CACNA2D3: variants seen among roughly 807,000 people sequenced by gnomAD.
The protein encoded by CACNA2D3 is voltage-dependent calcium channel subunit alpha-2/delta-3.
Under a neutral mutation model 160.6 loss-of-function variants are expected in CACNA2D3, and 60 were observed. That is an observed-to-expected ratio of 0.37 (90% CI 0.30 to 0.46). The LOEUF (loss-of-function observed/expected upper bound fraction) is 0.46, where lower values mean the gene tolerates loss of function less well. CACNA2D3 is among the 20% of genes least tolerant of loss of function. CACNA2D3 has a pLI of 1.00. For synonymous variants in CACNA2D3, 558 were observed against 492.9 expected, an observed-to-expected ratio of 1.13 and a Z score of -1.75; for missense variants, 1,205 against 1,365.0, an observed-to-expected ratio of 0.88 and a Z score of 1.85.
At chr3:54,692,723 A>G (rs561055737) in intron 11 of CACNA2D3, among the ~76,000 whole-genome samples, 19 of 152,332 alleles carry the variant, frequency 1.2e-4, no homozygotes, top group Admixed American at 1.2e-3. Flanking sequence ...ACCAAAAGGC[A>G]GGATGGGCTG....
rs374561284 is a variant in CACNA2D3 at position 54,770,403 on chromosome 3, G to A, written c.1380+6052G>A. Reference sequence around the variant, plus strand: ...CGATTCTGACGATTCAAACAATTTTGATGTTAGTTCTGTTTTAGAAATAAC... The same window carrying A: ...CGATTCTGACGATTCAAACAATTTTAATGTTAGTTCTGTTTTAGAAATAAC... On this transcript the variant is annotated intron_variant, in intron 13 of 37. Coordinates refer to ENST00000474759, the MANE Select transcript of CACNA2D3 (RefSeq NM_018398.3). 8.5e-5 allele frequency among the ~76,000 whole-genome samples: 13 copies of A among 152,296 alleles called. 1 individual carries two copies. The highest frequency in any genetic ancestry group is 1.9e-4 in the African/African-American group (8 of 41,574).
intron 11 of CACNA2D3, among the ~76,000 whole-genome samples, chr3:54,677,612 T>TC (rs1206956219): frequency 3.8e-5 from 5 of 130,116 alleles, no homozygotes; most frequent in African/African-American, 1.5e-4. Flanking sequence ...TAGTTTTTGT[T>TC]TTTTTTTTGG....
chr3:54,230,774 T>C (rs943202021), intron 2 of CACNA2D3, among the ~76,000 whole-genome samples: 2 of 152,238 alleles, frequency 1.3e-5, no homozygotes, highest in Non-Finnish European at 2.9e-5. Flanking sequence ...ATATTTTATA[T>C]AGGTAGATGT....
chr3:54,807,646 G>A (rs1007970412), intron 13 of CACNA2D3, among the ~76,000 whole-genome samples: 30 of 151,626 alleles, frequency 2.0e-4, no homozygotes, highest in Non-Finnish European at 3.2e-4. Context: ...AGTCAGTGTG[G>A]CGATTCCTCA....
At chr3:54,739,434 A>C (rs1014687807) in intron 11 of CACNA2D3, among the ~76,000 whole-genome samples, 12 of 148,890 alleles carry the variant, frequency 8.1e-5, no homozygotes, top group Admixed American at 5.4e-4. Context: ...TCAAAAAAAA[A>C]AAAAAAACAA....
At chr3:54,664,290 A>G (rs913598164) in intron 11 of CACNA2D3, among the ~76,000 whole-genome samples, 1 of 152,230 alleles carries the variant, frequency 6.6e-6, no homozygotes, top group Non-Finnish European at 1.5e-5. Context: ...GCCCTTGGAC[A>G]GTGGGTTTAC....
At chr3:54,687,523 G>C (rs954742988) in intron 11 of CACNA2D3, among the ~76,000 whole-genome samples, 1 of 151,944 alleles carries the variant, frequency 6.6e-6, no homozygotes, top group African/African-American at 2.4e-5. Context: ...AGATAGAAGG[G>C]GAAACAGGAA....
At chr3:54,348,941 T>C (rs1369027766) in intron 3 of CACNA2D3, among the ~76,000 whole-genome samples, 1 of 152,174 alleles carries the variant, frequency 6.6e-6, no homozygotes, top group Non-Finnish European at 1.5e-5. Flanking sequence ...TTGGCCAGGC[T>C]GGTCTTGAAC....
intron 4 of CACNA2D3, among the ~76,000 whole-genome samples, chr3:54,448,840 A>G (rs1700261199): frequency 6.6e-6 from 1 of 152,212 alleles, no homozygotes; most frequent in Non-Finnish European, 1.5e-5. Flanking sequence ...CTGCAAGGCA[A>G]ATTGCAGAAG....
At chr3:54,257,774 A>T (rs9810762) in intron 2 of CACNA2D3, among the ~76,000 whole-genome samples, 30,344 of 152,160 alleles carry the variant, frequency 0.2, 3,197 homozygotes, top group South Asian at 0.26. Flanking sequence ...CAATAGGCTA[A>T]TTCAGAAGGT....
At chr3:54,652,524 G>A (rs1699790625) in intron 11 of CACNA2D3, among the ~76,000 whole-genome samples, 1 of 152,170 alleles carries the variant, frequency 6.6e-6, no homozygotes, top group African/African-American at 2.4e-5. Flanking sequence ...GCCTCTTGGA[G>A]GAGAGCATGT....
At chr3:54,464,716 C>T (rs965102809) in intron 4 of CACNA2D3, among the ~76,000 whole-genome samples, 3 of 152,244 alleles carry the variant, frequency 2.0e-5, no homozygotes, top group Admixed American at 6.5e-5. Context: ...TCCCTGACCC[C>T]TCGCGCTTCC....
intron 4 of CACNA2D3, among the ~76,000 whole-genome samples, chr3:54,404,753 TG>T (rs989635252): frequency 1.3e-5 from 2 of 152,086 alleles, no homozygotes; most frequent in African/African-American, 4.8e-5. Flanking sequence ...ACCAAAAAGC[TG>T]TTAGATCTCA....
At chr3:54,942,049 G>A (rs1434300530) in intron 27 of CACNA2D3, among the ~76,000 whole-genome samples, 1 of 152,180 alleles carries the variant, frequency 6.6e-6, no homozygotes, top group Non-Finnish European at 1.5e-5. Context: ...TTGTAAAAAT[G>A]CGTCCTCAGT....
chr3:54,279,481 T>C (rs1702821557), intron 2 of CACNA2D3, among the ~76,000 whole-genome samples: 2 of 152,170 alleles, frequency 1.3e-5, no homozygotes, highest in Non-Finnish European at 2.9e-5. Flanking sequence ...GGTACTACGC[T>C]CTTCCCAGAG....
intron 11 of CACNA2D3, among the ~76,000 whole-genome samples, chr3:54,729,931 G>A (rs144443144): frequency 7.8e-4 from 117 of 149,736 alleles, no homozygotes; most frequent in African/African-American, 2.6e-3. Flanking sequence ...CCCAGGAGGC[G>A]GAGCTTGCAG....
intron 13 of CACNA2D3, among the ~76,000 whole-genome samples, chr3:54,797,431 C>A (rs965469276): frequency 1.3e-5 from 2 of 152,152 alleles, no homozygotes; most frequent in African/African-American, 4.8e-5. Flanking sequence ...GATTAACTAT[C>A]TTTAGGGAGG....
intron 27 of CACNA2D3, among the ~76,000 whole-genome samples, chr3:54,918,035 C>G (rs761027302): frequency 8.5e-5 from 13 of 152,176 alleles, no homozygotes; most frequent in Non-Finnish European, 1.2e-4. Flanking sequence ...CCAGCCTCTT[C>G]CCAAGCACTC....
At position 54,841,052 on chromosome 3, in the gene CACNA2D3, A is replaced by G. The variant is rs551062005; in HGVS notation, c.1551+2404A>G. 5.3e-5 allele frequency among the ~76,000 whole-genome samples: 8 copies of G among 152,316 alleles called. No individual in the cohort carries two copies. In the East Asian group the frequency reaches 1.5e-3, roughly 29 times the overall value. On this transcript the variant is annotated intron_variant, in intron 16 of 37. Transcript: ENST00000474759. ...AGCCATGATTTTAACCTCTGTAACC[A>G]CAATGCTACCAAGAACAATAAGAGC...
Sources: gnomAD v4.1 joint callset for allele counts (sites outside exome capture counted in the v4.1 genomes callset) on GRCh38, gnomAD v4.1.1 for gene constraint, MANE v1.5 for transcripts, NCBI Gene and HGNC (gene_info 2026-07-23, HGNC 2026-07-21) for gene names.